TMTC2: variants seen among roughly 807,000 people sequenced by gnomAD.
The protein encoded by TMTC2 is protein O-mannosyl-transferase TMTC2.
TMTC2 carries 43 observed loss-of-function variants against 82.4 expected under a neutral mutation model. The observed-to-expected ratio is 0.52, with a 90% CI of 0.41 to 0.67. The LOEUF is 0.67. TMTC2 is among the 30% of genes least tolerant of loss of function. TMTC2 has a pLI of 0.00. For synonymous variants in TMTC2, 408 were observed against 381.9 expected (o/e 1.07, Z -0.80); for missense variants, 919 against 1,012.4 (o/e 0.91, Z 1.25).
intron 11 of TMTC2, among the ~76,000 whole-genome samples, chr12:83,067,070 T>C (rs1488978382): frequency 6.6e-6 from 1 of 151,910 alleles, no homozygotes; most frequent in Non-Finnish European, 1.5e-5. Flanking sequence ...CATTTGGGAA[T>C]TTCTACATTT....
intron 8 of TMTC2, among the ~76,000 whole-genome samples, chr12:83,003,566 C>T (rs917396813): frequency 2.0e-5 from 3 of 152,136 alleles, no homozygotes; most frequent in Admixed American, 6.5e-5. Flanking sequence ...CTTCCATCTC[C>T]ATGTTTAGTA....
chr12:82,917,766 T>G (rs1211811847), intron 3 of TMTC2, among the ~76,000 whole-genome samples: 1 of 151,554 alleles, frequency 6.6e-6, no homozygotes, highest in Admixed American at 6.6e-5. Context: ...CAGGCCCGGC[T>G]AATTTTTTTG....
chr12:82,753,056 G>A (rs1249816363), intron 1 of TMTC2, among the ~76,000 whole-genome samples: 2 of 152,000 alleles, frequency 1.3e-5, no homozygotes, highest in Non-Finnish European at 2.9e-5. Flanking sequence ...GCTCTCTTAA[G>A]CCAATAAGAT....
chr12:82,887,292 G>A (rs765862531), intron 2 of TMTC2, among the ~76,000 whole-genome samples: 1 of 152,148 alleles, frequency 6.6e-6, no homozygotes, highest in Admixed American at 6.5e-5. Flanking sequence ...CAATATTGAA[G>A]CTGCTATTAT....
At chr12:83,074,226 T>G (rs1311752187) in intron 11 of TMTC2, among the ~76,000 whole-genome samples, 2 of 152,140 alleles carry the variant, frequency 1.3e-5, no homozygotes, top group Non-Finnish European at 2.9e-5. Flanking sequence ...GGAGCCAAAC[T>G]GCAGTGATTG....
At chr12:82,912,029 C>T (rs950752436) in intron 3 of TMTC2, among the ~76,000 whole-genome samples, 4 of 152,140 alleles carry the variant, frequency 2.6e-5, no homozygotes, top group African/African-American at 9.7e-5. Flanking sequence ...TTCTAATTCC[C>T]AATAATACCA....
chr12:82,708,649 A>T (rs962758931), intron 1 of TMTC2, among the ~76,000 whole-genome samples: 2 of 152,164 alleles, frequency 1.3e-5, no homozygotes, highest in African/African-American at 4.8e-5. Context: ...GCCTGCAGGA[A>T]GTGCCTGCTG....
intron 5 of TMTC2, 60 bp from the exon 6 acceptor site, chr12:82,965,500 T>G: frequency 6.4e-7 from 1 of 1,569,952 alleles, no homozygotes; most frequent in Non-Finnish European, 8.7e-7. Context: ...CAAAGAAAAC[T>G]TTATTTTATT....
At chr12:83,000,308 G>GT (rs1247788800) in intron 8 of TMTC2, among the ~76,000 whole-genome samples, 1 of 152,052 alleles carries the variant, frequency 6.6e-6, no homozygotes, top group East Asian at 1.9e-4. Flanking sequence ...CAAATTTTTT[G>GT]TATTTTTAGT....
chr12:82,956,263 T>C (rs1682595), intron 4 of TMTC2, among the ~76,000 whole-genome samples: 104,735 of 151,198 alleles, frequency 0.69, 37,714 homozygotes, highest in South Asian at 0.84. Context: ...TCTAAATGCT[T>C]CACTTAGGCA....
intron 11 of TMTC2, among the ~76,000 whole-genome samples, 198 bp downstream of exon 11, chr12:83,062,029 A>G (rs1882763972): frequency 6.6e-6 from 1 of 151,754 alleles, no homozygotes; most frequent in South Asian, 2.1e-4. Flanking sequence ...GCCGGCCTCA[A>G]GCTTCTTTTT....
chr12:82,843,060 G>T (rs1870427130), intron 1 of TMTC2, among the ~76,000 whole-genome samples: 1 of 152,114 alleles, frequency 6.6e-6, no homozygotes. Context: ...TTAAATTCTT[G>T]TATGTGCAGC....
intron 8 of TMTC2, among the ~76,000 whole-genome samples, chr12:83,010,167 A>T (rs918643766): frequency 9.9e-5 from 15 of 152,172 alleles, no homozygotes; most frequent in Admixed American, 6.5e-4. Context: ...TTGTATAAAC[A>T]TACTCTCTCT....
intron 1 of TMTC2, chr12:82,690,461 T>A (rs893944499): frequency 1.1e-6 from 1 of 931,538 alleles, no homozygotes; most frequent in African/African-American, 1.8e-5. Context: ...TTAAATATAG[T>A]GATCGTTTAC....
At chr12:82,805,125 C>T (rs182758342) in intron 1 of TMTC2, among the ~76,000 whole-genome samples, 5 of 151,850 alleles carry the variant, frequency 3.3e-5, no homozygotes, top group Admixed American at 2.0e-4. Context: ...TGGCTAGCAA[C>T]GTAGAACTTT....
intron 11 of TMTC2, among the ~76,000 whole-genome samples, chr12:83,096,646 T>TTCACTA (rs1294189022): frequency 6.6e-6 from 1 of 152,128 alleles, no homozygotes; most frequent in Non-Finnish European, 1.5e-5. Flanking sequence ...ATGAGACCTA[T>TTCACTA]TCACTATCAC....
At chr12:83,083,757 A>G (rs1883554308) in intron 11 of TMTC2, among the ~76,000 whole-genome samples, 1 of 152,172 alleles carries the variant, frequency 6.6e-6, no homozygotes, top group South Asian at 2.1e-4. Context: ...ACTCCCCTCA[A>G]TAAAACTAGG....
chr12:82,793,292 C>T (rs79190013), intron 1 of TMTC2, among the ~76,000 whole-genome samples: 7,452 of 151,236 alleles, frequency 0.049, 245 homozygotes, highest in Middle Eastern at 0.14. Context: ...TACTTTTCGT[C>T]GTGCTTTCAT....
chr12:83,070,664 C>T (rs977996042), intron 11 of TMTC2, among the ~76,000 whole-genome samples: 6 of 152,170 alleles, frequency 3.9e-5, no homozygotes, highest in African/African-American at 1.2e-4. Flanking sequence ...TCCTCTTTAC[C>T]GATTTGGATG....
Sources: gnomAD v4.1 joint callset for allele counts (sites outside exome capture counted in the v4.1 genomes callset) on GRCh38, gnomAD v4.1.1 for gene constraint, MANE v1.5 for transcripts, NCBI Gene and HGNC (gene_info 2026-07-23, HGNC 2026-07-21) for gene names.